The following CRPPA variants were observed in gnomAD, a reference collection of about 807,000 sequenced individuals.
The protein encoded by CRPPA is CDP-L-ribitol pyrophosphorylase A.
In CRPPA, 43 loss-of-function variants were observed where a neutral mutation model predicts 52.0. The ratio of observed to expected loss-of-function variants is 0.83; its 90% CI spans 0.65 to 1.07. The LOEUF is 1.07. Among genes scored for constraint, CRPPA ranks in the 50% least tolerant of loss-of-function variants. The probability of loss-of-function intolerance (pLI) is 0.00; values close to 1 mark genes in which losing one functional copy is unlikely to be tolerated. For synonymous variants in CRPPA, 250 were observed against 203.5 expected, an observed-to-expected ratio of 1.23 and a Z score of -1.94; for missense variants, 629 against 551.7, an observed-to-expected ratio of 1.14 and a Z score of -1.40.
chr7:16,399,179 C>T (rs1428989772), intron 2 of CRPPA, among the ~76,000 whole-genome samples: 1 of 152,208 alleles, frequency 6.6e-6, no homozygotes. Context: ...CGTGACATGA[C>T]ACGATTCACA....
chr7:16,238,265 G>C (rs952668936), intron 8 of CRPPA, among the ~76,000 whole-genome samples: 2 of 151,988 alleles, frequency 1.3e-5, no homozygotes, highest in African/African-American at 4.8e-5. Flanking sequence ...CTCCATGTAG[G>C]CCAAAATATC....
chr7:16,187,402 CATTTT>C (rs1781527160), intron 9 of CRPPA, among the ~76,000 whole-genome samples: 1 of 152,130 alleles, frequency 6.6e-6, no homozygotes. Context: ...GACAAAAAGA[CATTTT>C]ATTAGCATTT....
intron 2 of CRPPA, among the ~76,000 whole-genome samples, chr7:16,398,012 T>C (rs973246183): frequency 1.4e-4 from 21 of 152,226 alleles, no homozygotes; most frequent in African/African-American, 4.3e-4. Flanking sequence ...ACTGATGTGA[T>C]TGACACATGA....
At chr7:16,282,750 ACAT>A (rs1289569841) in intron 5 of CRPPA, among the ~76,000 whole-genome samples, 1 of 152,104 alleles carries the variant, frequency 6.6e-6, no homozygotes, top group Non-Finnish European at 1.5e-5. Context: ...AGGTAAAATA[ACAT>A]CATAAGAAAT....
chr7:16,205,582 C>T (rs1781957140), intron 9 of CRPPA, among the ~76,000 whole-genome samples: 1 of 152,090 alleles, frequency 6.6e-6, no homozygotes, highest in Admixed American at 6.6e-5. Flanking sequence ...GCTCTATAAT[C>T]AGCATGCTTT....
intron 6 of CRPPA, among the ~76,000 whole-genome samples, chr7:16,275,964 A>G (rs1392709208): frequency 1.3e-5 from 2 of 152,034 alleles, no homozygotes; most frequent in Non-Finnish European, 2.9e-5. Flanking sequence ...CTGTAACCCA[A>G]TATTTAATAA....
intron 2 of CRPPA, among the ~76,000 whole-genome samples, chr7:16,378,555 G>A (rs1021797124): frequency 1.3e-5 from 2 of 151,946 alleles, no homozygotes; most frequent in Admixed American, 6.5e-5. Flanking sequence ...ATTGTGAATA[G>A]TGCCACAATA....
chr7:16,252,796 C>G (rs1177748126), intron 8 of CRPPA, among the ~76,000 whole-genome samples: 1 of 152,184 alleles, frequency 6.6e-6, no homozygotes, highest in African/African-American at 2.4e-5. Flanking sequence ...TGTTATTGGT[C>G]TATTCAGGGA....
intron 9 of CRPPA, among the ~76,000 whole-genome samples, chr7:16,096,163 A>C (rs1036712418): frequency 5.9e-5 from 9 of 152,132 alleles, no homozygotes; most frequent in African/African-American, 2.2e-4. Flanking sequence ...TGCTAGAACA[A>C]ATTTCATATT....
intron 8 of CRPPA, among the ~76,000 whole-genome samples, chr7:16,237,116 G>C (rs986427675): frequency 6.6e-6 from 1 of 152,078 alleles, no homozygotes; most frequent in Non-Finnish European, 1.5e-5. Flanking sequence ...CAAGTTTTAT[G>C]AGACATAAAA....
intron 5 of CRPPA, among the ~76,000 whole-genome samples, chr7:16,279,622 G>A (rs1352052227): frequency 6.6e-6 from 1 of 152,200 alleles, no homozygotes; most frequent in African/African-American, 2.4e-5. Flanking sequence ...TGTGGAGAGA[G>A]AAACTGGAGA....
At chr7:16,396,899 CAT>C (rs1283068630) in intron 2 of CRPPA, among the ~76,000 whole-genome samples, 12 of 152,306 alleles carry the variant, frequency 7.9e-5, no homozygotes, top group East Asian at 1.9e-4. Flanking sequence ...AAATGTGACA[CAT>C]GTGTGAAAGA....
At chr7:16,249,637 G>A (rs1437721664) in intron 8 of CRPPA, among the ~76,000 whole-genome samples, 7 of 152,290 alleles carry the variant, frequency 4.6e-5, no homozygotes, top group African/African-American at 1.7e-4. Flanking sequence ...CAGCTAAGGG[G>A]CCTGATTGTT....
At chr7:16,195,775 C>T (rs2128391906) in intron 9 of CRPPA, among the ~76,000 whole-genome samples, 1 of 152,222 alleles carries the variant, frequency 6.6e-6, no homozygotes, top group African/African-American at 2.4e-5. Flanking sequence ...ATCATGATTA[C>T]AGACCATCTG....
Position 16,092,209 on chromosome 7 carries a change from G to C in CRPPA, c.1252-410C>G, listed in dbSNP as rs529201142. ...TGTTTGTGAGTACCGGTATAGGGGG[G>C]AAAACCCTGCTTGCTGTTTGTAAAG... On this transcript the variant is annotated intron_variant, in intron 9 of 9. Transcript: ENST00000407010. 5.9e-5 allele frequency among the ~76,000 whole-genome samples: 9 copies of C among 152,242 alleles called. No individual in the cohort carries two copies. In the South Asian group the frequency reaches 1.9e-3, roughly 32 times the overall value.
chr7:16,406,511 A>C (rs1787958532), intron 1 of CRPPA, among the ~76,000 whole-genome samples, 174 bp from the exon 2 acceptor site: 1 of 152,226 alleles, frequency 6.6e-6, no homozygotes, highest in African/African-American at 2.4e-5. Context: ...GATGAAAAAG[A>C]ATCAGTGAGC....
At chr7:16,216,799 G>A (rs796758855) in intron 8 of CRPPA, among the ~76,000 whole-genome samples, 1 of 152,206 alleles carries the variant, frequency 6.6e-6, no homozygotes, top group Non-Finnish European at 1.5e-5. Context: ...TACGCCCACG[G>A]AGTCTCACTG....
In CRPPA at chr7:16,089,519, A is replaced by G. The variant is rs1225066420; in HGVS notation, c.*2176T>C. Reference sequence around the variant, plus strand: ...TGTACGTACATACATAGATATGGGTATATATGTACGTACATACATATATAT... The same window carrying G: ...TGTACGTACATACATAGATATGGGTGTATATGTACGTACATACATATATAT... On this transcript the variant is annotated 3_prime_UTR_variant, in exon 10 of 10. Coordinates refer to ENST00000407010, the MANE Select transcript of CRPPA (RefSeq NM_001101426.4). 1 of 276,342 alleles carries G rather than the reference A, an allele frequency of 3.6e-6. No homozygotes were observed. Among genetic ancestry groups the G allele is most frequent in the Non-Finnish European group, 7.8e-6 (1 of 127,542 alleles). 17.1% of individuals were successfully genotyped at this position (276,342 alleles called of 1,614,324 possible). A position where few individuals can be genotyped will look rare whatever the true frequency, so the allele number is the denominator to read the frequency against.
rs368507097 is a variant in CRPPA at position 16,139,664 on chromosome 7, T to G, written c.1252-47865A>C. 1.1e-4 allele frequency among the ~76,000 whole-genome samples: 17 copies of G among 152,142 alleles called. No homozygotes were observed. In the East Asian group the frequency reaches 2.5e-3, roughly 22 times the overall value. ...GAAGCTTCTATCTTTCTCTTTCAACTTGATTATACTTGCCTTCAGATCCCT... is the reference window on the plus strand; with the variant it reads ...GAAGCTTCTATCTTTCTCTTTCAACGTGATTATACTTGCCTTCAGATCCCT... On this transcript the variant is annotated intron_variant, in intron 9 of 9. Coordinates refer to ENST00000407010, the MANE Select transcript of CRPPA (RefSeq NM_001101426.4).
Sources: gnomAD v4.1 joint callset for allele counts (sites outside exome capture counted in the v4.1 genomes callset) on GRCh38, gnomAD v4.1.1 for gene constraint, MANE v1.5 for transcripts, NCBI Gene and HGNC (gene_info 2026-07-23, HGNC 2026-07-21) for gene names.